Variants in DNAH7 observed in about 807,000 individuals in gnomAD.
The protein encoded by DNAH7 is dynein axonemal heavy chain 7.
Under a neutral mutation model 444.6 loss-of-function variants are expected in DNAH7, and 397 were observed. That is an observed-to-expected ratio of 0.89 (90% CI 0.82 to 0.97). The LOEUF (loss-of-function observed/expected upper bound fraction) is 0.97. Ranked by LOEUF, DNAH7 falls within the 50% of genes least tolerant of loss-of-function variation. DNAH7 has a pLI of 0.00. For missense variants in DNAH7, 4,902 were observed against 4,800.8 expected (o/e 1.02, Z -0.62); for synonymous variants, 1,636 against 1,624.4 (o/e 1.01, Z -0.17).
intron 1 of DNAH7, among the ~76,000 whole-genome samples, chr2:196,067,401 A>G (rs1263125398): frequency 1.3e-5 from 2 of 152,042 alleles, no homozygotes; most frequent in Non-Finnish European, 2.9e-5. Context: ...TATCATGTAG[A>G]AAAAAACTAG....
chr2:196,056,826 G>A (rs995475933), intron 2 of DNAH7, among the ~76,000 whole-genome samples: 3 of 152,180 alleles, frequency 2.0e-5, no homozygotes, highest in African/African-American at 7.2e-5. Flanking sequence ...CTTGTGCACA[G>A]GAAAATAGGC....
intron 2 of DNAH7, among the ~76,000 whole-genome samples, chr2:196,051,723 C>A (rs767949921): frequency 1.3e-5 from 2 of 151,940 alleles, no homozygotes; most frequent in East Asian, 3.9e-4. Context: ...GCAGAGATCG[C>A]ACCACTGCAC....
chr2:195,847,625 T>C (rs570943624), intron 46 of DNAH7, among the ~76,000 whole-genome samples: 30 of 151,302 alleles, frequency 2.0e-4, no homozygotes, highest in Non-Finnish European at 3.1e-4. Context: ...AACCTGCACA[T>C]GTACCCCTGA....
At chr2:195,848,259 C>G (rs1394163853) in intron 46 of DNAH7, among the ~76,000 whole-genome samples, 1 of 152,162 alleles carries the variant, frequency 6.6e-6, no homozygotes, top group Non-Finnish European at 1.5e-5. Context: ...ACATTCATGA[C>G]CTTGATAAGC....
At chr2:195,947,158 T>C (rs917690616) in intron 19 of DNAH7, among the ~76,000 whole-genome samples, 2 of 148,240 alleles carry the variant, frequency 1.3e-5, no homozygotes, top group African/African-American at 2.5e-5. Context: ...TATATTATTT[T>C]TATATATATA....
At chr2:195,877,332 A>G (rs1701120334) in intron 36 of DNAH7, among the ~76,000 whole-genome samples, 1 of 152,220 alleles carries the variant, frequency 6.6e-6, no homozygotes, top group Non-Finnish European at 1.5e-5. Flanking sequence ...AAAACATCCT[A>G]TGTAAATCAC....
At chr2:196,041,848 CA>C (rs1052575739) in intron 5 of DNAH7, among the ~76,000 whole-genome samples, 1 of 151,566 alleles carries the variant, frequency 6.6e-6, no homozygotes, top group African/African-American at 2.4e-5. Flanking sequence ...GGAACTCAAA[CA>C]ACTCAACAAC....
intron 61 of DNAH7, among the ~76,000 whole-genome samples, chr2:195,758,459 G>A: frequency 6.6e-6 from 1 of 151,992 alleles, no homozygotes; most frequent in Non-Finnish European, 1.5e-5. Context: ...TAAATGTATT[G>A]GCATAGGTTT....
chr2:195,745,130 C>G (rs1415815950), intron 63 of DNAH7, among the ~76,000 whole-genome samples: 3 of 152,104 alleles, frequency 2.0e-5, no homozygotes, highest in Non-Finnish European at 4.4e-5. Flanking sequence ...GAATGTGTAA[C>G]TAGAATAACC....
chr2:195,904,992 TAGG>T (rs1686927524), intron 27 of DNAH7: 1 of 152,090 alleles, frequency 6.6e-6, no homozygotes, highest in Non-Finnish European at 1.5e-5. Flanking sequence ...GGCTGCACAA[TAGG>T]AGAAGCTATG....
At chr2:195,849,067 T>C (rs182237477) in intron 46 of DNAH7, among the ~76,000 whole-genome samples, 2 of 152,300 alleles carry the variant, frequency 1.3e-5, no homozygotes, top group African/African-American at 2.4e-5. Flanking sequence ...TTTTCAAACA[T>C]TCAATTTTTT....
intron 35 of DNAH7, among the ~76,000 whole-genome samples, chr2:195,882,907 C>G (rs1701482335): frequency 6.6e-6 from 1 of 152,154 alleles, no homozygotes; most frequent in African/African-American, 2.4e-5. Flanking sequence ...ACATGACTGT[C>G]ATCTGAAGAG....
At chr2:195,879,175 T>A (rs1701226573) in intron 36 of DNAH7, among the ~76,000 whole-genome samples, 1 of 152,190 alleles carries the variant, frequency 6.6e-6, no homozygotes, top group African/African-American at 2.4e-5. Flanking sequence ...AATTTATGTA[T>A]GAGGTCAATT....
Position 195,816,817 on chromosome 2 carries a change from T to C in DNAH7, c.9572A>G (p.Glu3191Gly). 6.2e-7 allele frequency: 1 copy of C among 1,614,176 alleles called. No individual in the cohort carries two copies. Among genetic ancestry groups the C allele is most frequent in the African/African-American group, 1.3e-5 (1 of 75,052 alleles). ...GGTGGTGTCAATCTTTTTCTCTGTC[T>C]CTTCGGCTACTTCCTGCTTCTGAGA... The part of the protein sequence containing the change: ...EISQKQEVAE[E>G]TEKKIDTTRM... The change falls in exon 51 of 65, where the codon GAG becomes GGG. Residue 3191 changes from glutamate to glycine, a missense_variant. Coordinates refer to ENST00000312428, the MANE Select transcript of DNAH7 (RefSeq NM_018897.3).
At chr2:195,815,717 T>C (rs1258437966) in intron 51 of DNAH7, among the ~76,000 whole-genome samples, 1 of 152,158 alleles carries the variant, frequency 6.6e-6, no homozygotes, top group Non-Finnish European at 1.5e-5. Flanking sequence ...TAAAAACATG[T>C]CTTGGCCGGG....
intron 24 of DNAH7, among the ~76,000 whole-genome samples, chr2:195,912,785 T>C (rs1239582608): frequency 1.3e-5 from 2 of 152,008 alleles, no homozygotes; most frequent in Non-Finnish European, 2.9e-5. Context: ...CCCTTCAACC[T>C]CCAATACTGG....
chr2:195,970,993 C>T (rs1691801266), intron 16 of DNAH7, among the ~76,000 whole-genome samples: 1 of 152,036 alleles, frequency 6.6e-6, no homozygotes, highest in African/African-American at 2.4e-5. Flanking sequence ...TTTCCAAGAG[C>T]CTATTTTACT....
intron 42 of DNAH7, among the ~76,000 whole-genome samples, chr2:195,861,089 T>C (rs938040557): frequency 1.3e-5 from 2 of 152,154 alleles, no homozygotes; most frequent in African/African-American, 4.8e-5. Context: ...GAGCCACACA[T>C]TAATCCAAGG....
chr2:195,994,543 G>A, intron 12 of DNAH7: 1 of 481,030 alleles, frequency 2.1e-6, no homozygotes, highest in Non-Finnish European at 4.1e-6. Flanking sequence ...TTCCCATTGT[G>A]GTCTTGGTTG....
Sources: allele counts gnomAD v4.1 joint callset (sites outside exome capture counted in the v4.1 genomes callset), GRCh38; gene constraint gnomAD v4.1.1; transcripts MANE v1.5; gene names NCBI Gene and HGNC (gene_info 2026-07-23, HGNC 2026-07-21).